PILRB: variants seen among roughly 807,000 people sequenced by gnomAD.
PILRB encodes paired immunoglobulin-like type 2 receptor beta.
Under a neutral mutation model 20.5 loss-of-function variants are expected in PILRB, and 21 were observed. The observed-to-expected ratio is 1.02, with a 90% confidence interval of 0.72 to 1.47. The LOEUF (loss-of-function observed/expected upper bound fraction) is 1.47. Ranked by LOEUF, PILRB falls within the 40% of genes most tolerant of loss-of-function variation. PILRB has a pLI of 0.00. For synonymous variants in PILRB, 133 were observed against 115.1 expected, an observed-to-expected ratio of 1.16 and a Z score of -0.99; for missense variants, 253 against 272.1, an observed-to-expected ratio of 0.93 and a Z score of 0.49.
At chr7:100,365,935 G>GTAAAT (rs1348697428) in intron 3 of PILRB, among the ~76,000 whole-genome samples, 1 of 149,530 alleles carries the variant, frequency 6.7e-6, no homozygotes, top group African/African-American at 2.5e-5. Context: ...GGTTAGGATG[G>GTAAAT]TAAATTCTAG....
In PILRB at chr7:100,358,331, T is replaced by A. The variant is rs1489240030; in HGVS notation, c.29T>A (p.Leu10Gln). 1.2e-6 allele frequency: 2 copies of A among 1,612,862 alleles called. No individual in the cohort carries two copies. Among genetic ancestry groups the A allele is most frequent in the East Asian group, 4.5e-5 (2 of 44,898 alleles). The part of the protein sequence containing the change: MGRPLLLPL[L>Q]LLLQPPAFLQ... ...GGTCGGCCCCTGCTGCTGCCCCTGCTGCTCCTGCTGCAGCCGCCAGCATTT... is the reference window on the plus strand; with the variant it reads ...GGTCGGCCCCTGCTGCTGCCCCTGCAGCTCCTGCTGCAGCCGCCAGCATTT... The change falls in exon 1 of 4, where the codon CTG becomes CAG. Residue 10 changes from leucine to glutamine, a missense_variant. Coordinates refer to ENST00000609309, the MANE Select transcript of PILRB (RefSeq NM_178238.4).
chr7:100,360,408 G>A (rs952608477), intron 3 of PILRB, among the ~76,000 whole-genome samples: 5 of 152,246 alleles, frequency 3.3e-5, no homozygotes, highest in Non-Finnish European at 7.3e-5. Context: ...CCCACAGGAG[G>A]TGGCATCTGC....
chr7:100,359,162 G>A (rs1053165364), intron 2 of PILRB, 83 bp downstream of exon 2: 2 of 1,579,912 alleles, frequency 1.3e-6, no homozygotes, highest in African/African-American at 2.7e-5. Flanking sequence ...TTTAAACCCA[G>A]TGGTCTGGAT....
chr7:100,358,668 A>C (rs753846982), intron 1 of PILRB, 22 bp from the exon 2 acceptor site: 3 of 1,609,076 alleles, frequency 1.9e-6, no homozygotes, highest in East Asian at 2.2e-5. Flanking sequence ...TCTCTCCCCC[A>C]CTCACTCCCT....
At position 100,358,932 on chromosome 7, in the gene PILRB, G is replaced by A; in HGVS notation, c.307G>A (p.Glu103Lys). 6.2e-7 allele frequency: 1 copy of A among 1,614,192 alleles called. No homozygotes were observed. The highest frequency in any genetic ancestry group is 8.5e-7 in the Non-Finnish European group (1 of 1,180,036). The stretch of plus-strand genomic sequence containing the variant: ...GAACCGGCTCTTTCTGAACTGGACA[G>A]AGGGTCAGGAGAGCGGCTTCCTCAG... ...YVNRLFLNWT[E>K]GQESGFLRIS... The change falls in exon 2 of 4, where the codon GAG becomes AAG. Residue 103 changes from glutamate to lysine, a missense_variant. Glu to Lys is a moderately conservative substitution (Grantham distance 56, BLOSUM62 1). Coordinates refer to ENST00000609309, the MANE Select transcript of PILRB (RefSeq NM_178238.4).
chr7:100,363,443 A>G (rs1165459071), intron 3 of PILRB, among the ~76,000 whole-genome samples: 1 of 152,242 alleles, frequency 6.6e-6, no homozygotes, highest in Admixed American at 6.5e-5. Context: ...TCAAAAAATA[A>G]AGTAAGATCT....
rs952268806 is a variant in PILRB, at chr7:100,367,223, C to A, written c.656-126C>A. 3.7e-6 allele frequency: 3 copies of A among 816,596 alleles called. No individual in the cohort carries two copies. The African/African-American group carries it at 5.0e-5, about 14-fold the overall frequency. The allele number at this position is 816,596 out of a possible 1,614,324, so 50.6% of individuals were successfully genotyped here. On this transcript the variant is annotated intron_variant, in intron 3 of 3. Transcript: ENST00000609309. The stretch of plus-strand genomic sequence containing the variant: ...CTGTGCTGCTAAGAACCCCACAAGC[C>A]CAGCCTGCCACAAATTCTCCTGAGT...
chr7:100,360,371 GGA>G (rs151288400), intron 3 of PILRB, among the ~76,000 whole-genome samples: 24,291 of 152,218 alleles, frequency 0.16, 2,099 homozygotes, highest in Non-Finnish European at 0.19. Flanking sequence ...AAGGGTGGGA[GGA>G]GAGAGAGGTA....
At position 100,358,948 on chromosome 7, in the gene PILRB, G is replaced by T; in HGVS notation, c.323G>T (p.Gly108Val). 2 of 1,614,138 alleles carry T rather than the reference G, an allele frequency of 1.2e-6. No individual in the cohort carries two copies. Among genetic ancestry groups the T allele is most frequent in the Non-Finnish European group, 1.7e-6 (2 of 1,180,034 alleles). The change falls in exon 2 of 4, where the codon GGC (glycine) becomes GTC (valine). Residue 108 changes from glycine to valine, a missense_variant. Physicochemically the swap from Gly to Val is moderately radical, Grantham distance 109 (BLOSUM62 -3). Transcript: ENST00000609309. ...AACTGGACAGAGGGTCAGGAGAGCG[G>T]CTTCCTCAGGATCTCAAACCTGCGG... ...FLNWTEGQES[G>V]FLRISNLRKE...
At position 100,367,363 on chromosome 7, in the gene PILRB, AG is replaced by A; in HGVS notation, c.671del (p.Ser224ThrfsTer16). ...WRRRKGSRAPSSDF is the reference protein window; with the variant it reads ...WRRRKGSRAPXSDF ...CCCTCCTGCAGGTAGCAGGGCGCCAAGCAGTGACTTCTGACCAACAGAGTGT... is the reference window on the plus strand; with the variant it reads ...CCCTCCTGCAGGTAGCAGGGCGCCAACAGTGACTTCTGACCAACAGAGTGT... On this transcript the variant is annotated frameshift_variant, in exon 4 of 4. Coordinates refer to ENST00000609309, the MANE Select transcript of PILRB (RefSeq NM_178238.4). LOFTEE classifies it high-confidence loss of function. 1.3e-6 allele frequency: 1 copy of A among 780,968 alleles called. No individual in the cohort carries two copies. The highest frequency in any genetic ancestry group is 1.3e-5 in the South Asian group (1 of 74,620). The allele number at this position is 780,968 out of a possible 1,614,324, so 48.4% of individuals were successfully genotyped here.
At position 100,367,589 on chromosome 7, in the gene PILRB, C is replaced by T; in HGVS notation, c.*212C>T. 1 of 592,282 alleles carries T rather than the reference C, an allele frequency of 1.7e-6. No individual in the cohort carries two copies. The highest frequency in any genetic ancestry group is 2.1e-5 in the South Asian group (1 of 48,066). The allele number at this position is 592,282 out of a possible 1,614,324, so 36.7% of individuals were successfully genotyped here. A position where few individuals can be genotyped will look rare whatever the true frequency, so the allele number is the denominator to read the frequency against. ...ACCTACAAGAGCCTTCATCCAGGAG[C>T]ATCCACACTGCAATGATATAGGAAT... On this transcript the variant is annotated 3_prime_UTR_variant, in exon 4 of 4. Coordinates refer to ENST00000609309, the MANE Select transcript of PILRB (RefSeq NM_178238.4).
At chr7:100,363,485 A>T (rs148255150) in intron 3 of PILRB, among the ~76,000 whole-genome samples, 9 of 152,368 alleles carry the variant, frequency 5.9e-5, no homozygotes, top group East Asian at 5.8e-4. Context: ...GAGGTGAAAG[A>T]CTTGTACACT....
At chr7:100,366,440 C>T (rs1053587709) in intron 3 of PILRB, among the ~76,000 whole-genome samples, 2 of 151,894 alleles carry the variant, frequency 1.3e-5, no homozygotes, top group African/African-American at 2.4e-5. Context: ...GGAGCCCTCC[C>T]AGGAGGGGGC....
Position 100,367,663 on chromosome 7 carries a change from A to G in PILRB, c.*286A>G. On this transcript the variant is annotated 3_prime_UTR_variant, in exon 4 of 4. Coordinates refer to ENST00000609309, the MANE Select transcript of PILRB (RefSeq NM_178238.4). ...AACCACTGGCATTTGGGGGCTGTTT[A>G]TTATAGCAGTGCAAAGAGTTCCTTT... 1 of 455,656 alleles carries G rather than the reference A, an allele frequency of 2.2e-6. No homozygotes were observed. The highest frequency in any genetic ancestry group is 3.8e-5 in the South Asian group (1 of 26,636). The allele number at this position is 455,656 out of a possible 1,614,324, so 28.2% of individuals were successfully genotyped here.
intron 3 of PILRB, among the ~76,000 whole-genome samples, chr7:100,360,350 T>C (rs1287626103): frequency 6.0e-5 from 9 of 150,976 alleles, no homozygotes; most frequent in Admixed American, 5.9e-4. Context: ...AGAACTATGG[T>C]ATTGCTAAAC....
intron 3 of PILRB, among the ~76,000 whole-genome samples, chr7:100,362,167 A>G (rs1790546447): frequency 6.6e-6 from 1 of 152,158 alleles, no homozygotes; most frequent in African/African-American, 2.4e-5. Context: ...GGGTGGGATA[A>G]TGACCAAAGA....
intron 3 of PILRB, among the ~76,000 whole-genome samples, chr7:100,364,987 A>G (rs1790635529): frequency 6.6e-6 from 1 of 151,972 alleles, no homozygotes; most frequent in East Asian, 1.9e-4. Context: ...AAATAATATT[A>G]TTGAATCTTT....
intron 3 of PILRB, among the ~76,000 whole-genome samples, chr7:100,364,728 G>A (rs1488013332): frequency 6.6e-6 from 1 of 152,178 alleles, no homozygotes; most frequent in Non-Finnish European, 1.5e-5. Context: ...TGAAAGCAGG[G>A]TCAGGAAGAG....
Position 100,358,715 on chromosome 7 carries a change from C to T in PILRB, c.90C>T (p.Ser30=), listed in dbSNP as rs369794042. The T allele has an allele frequency of 2.8e-5, 45 of 1,613,890 alleles. No homozygotes were observed. In the African/African-American group the frequency reaches 5.9e-4, roughly 21 times the overall value. ...GTGGCTCCACAGGATCTGGTCCAAG[C>T]TACCTTTATGGGGTCACTCAACCAA... ...QPGGSTGSGP[S]YLYGVTQPKH... The change falls in exon 2 of 4, where the codon AGC becomes AGT. Residue 30 remains serine (S), a synonymous_variant. Transcript: ENST00000609309.
Sources: allele counts gnomAD v4.1 joint callset (sites outside exome capture counted in the v4.1 genomes callset), GRCh38; gene constraint gnomAD v4.1.1; transcripts MANE v1.5; gene names NCBI Gene and HGNC (gene_info 2026-07-23, HGNC 2026-07-21).